Variants in DIP2A observed in about 807,000 individuals in gnomAD.
DIP2A encodes the protein disco-interacting protein 2 homolog A.
DIP2A carries 85 observed loss-of-function variants against 177.4 expected under a neutral mutation model. The observed-to-expected ratio is 0.48, with a 90% CI of 0.40 to 0.57. The LOEUF (loss-of-function observed/expected upper bound fraction) is 0.57, where lower values mean the gene tolerates loss of function less well. Among genes scored for constraint, DIP2A ranks in the 20% least tolerant of loss-of-function variants. The probability of loss-of-function intolerance (pLI) is 0.00; values close to 1 mark genes in which losing one functional copy is unlikely to be tolerated. For missense variants in DIP2A, 1,791 were observed against 2,100.2 expected (o/e 0.85, Z 2.88); for synonymous variants, 886 against 881.8 (o/e 1.00, Z -0.08).
At chr21:46,477,322 A>T (rs1003613120) in intron 1 of DIP2A, among the ~76,000 whole-genome samples, 5 of 151,830 alleles carry the variant, frequency 3.3e-5, no homozygotes, top group African/African-American at 1.2e-4. Flanking sequence ...AGGCAGGCAG[A>T]TCAAGACCAG....
chr21:46,578,866 T>A, the DIP2A span, among the ~76,000 whole-genome samples: 1 of 152,218 alleles, frequency 6.6e-6, no homozygotes, highest in Non-Finnish European at 1.5e-5. Context: ...TGCCAGTATT[T>A]TATTGAGAAT....
chr21:46,487,263 T>C (rs2056752574), intron 2 of DIP2A, among the ~76,000 whole-genome samples: 1 of 152,236 alleles, frequency 6.6e-6, no homozygotes, highest in South Asian at 2.1e-4. Flanking sequence ...AACAAGAAGA[T>C]TGACGAGGCT....
chr21:46,466,266 C>G (rs1393485127), intron 1 of DIP2A, among the ~76,000 whole-genome samples: 1 of 148,268 alleles, frequency 6.7e-6, no homozygotes, highest in Non-Finnish European at 1.5e-5. Context: ...AAGATTCATT[C>G]AAAAGATAGA....
At chr21:46,521,450 A>G (rs957612932) in intron 8 of DIP2A, among the ~76,000 whole-genome samples, 4 of 152,120 alleles carry the variant, frequency 2.6e-5, no homozygotes, top group African/African-American at 9.7e-5. Context: ...TGGCCTCCCA[A>G]ATTGCTGGGA....
chr21:46,560,700 T>A, intron 32 of DIP2A, 22 bp from the exon 33 acceptor site: 1 of 1,600,146 alleles, frequency 6.2e-7, no homozygotes, highest in Middle Eastern at 1.7e-4. Flanking sequence ...GAACAGAAGT[T>A]CCTCTGCTGC....
intron 18 of DIP2A, among the ~76,000 whole-genome samples, chr21:46,544,017 C>G (rs182584060): frequency 6.6e-6 from 1 of 152,264 alleles, no homozygotes; most frequent in East Asian, 1.9e-4. Flanking sequence ...AGGACAGTTC[C>G]TAGCTGACCC....
In DIP2A at chr21:46,496,981, T is replaced by G. The variant is rs749494495; in HGVS notation, c.284-7T>G. The G allele has an allele frequency of 6.8e-6, 11 of 1,606,860 alleles. No individual in the cohort carries two copies. The highest frequency in any genetic ancestry group is 1.7e-4 in the Middle Eastern group (1 of 6,040). ...AAAGTATTTTTACTGCTGTCCTTCC[T>G]GTGTAGATGTCCACACTGAAGCCGT... On this transcript the variant is annotated splice_region_variant and splice_polypyrimidine_tract_variant and intron_variant, in intron 3 of 37. Coordinates refer to ENST00000417564, the MANE Select transcript of DIP2A (RefSeq NM_015151.4).
intron 13 of DIP2A, among the ~76,000 whole-genome samples, chr21:46,535,112 T>C (rs2059509534): frequency 6.6e-6 from 1 of 152,232 alleles, no homozygotes; most frequent in South Asian, 2.1e-4. Flanking sequence ...AGTTTTCTAT[T>C]ACTTTATCTA....
chr21:46,465,572 C>CTGA (rs1169421247), intron 1 of DIP2A, among the ~76,000 whole-genome samples: 11 of 152,098 alleles, frequency 7.2e-5, no homozygotes, highest in Admixed American at 7.2e-4. Flanking sequence ...GACACTTGTA[C>CTGA]TGATGGTCCA....
rs1022522470 is a variant in DIP2A at position 46,563,499 on chromosome 21, G to A, written c.4090-359G>A. Among the ~76,000 whole-genome samples the A allele has an allele frequency of 2.0e-5, 3 of 152,186 alleles. No homozygotes were observed. Among genetic ancestry groups the A allele is most frequent in the Non-Finnish European group, 4.4e-5 (3 of 68,040 alleles). On this transcript the variant is annotated intron_variant, in intron 34 of 37. Coordinates refer to ENST00000417564, the MANE Select transcript of DIP2A (RefSeq NM_015151.4). The surrounding 1 kb of genome is among the most constrained non-coding windows in gnomAD (Gnocchi z 4.3). ...CCTGGCCAAGAACTAGGACAGACAT[G>A]TGCCTCCTGCAGGGCTGGGCACAGC...
chr21:46,538,463 G>GTCTC lies in DIP2A; in HGVS notation c.1802-19_1802-18insCTCT. The GTCTC allele has an allele frequency of 1.3e-6, 2 of 1,541,000 alleles. No individual in the cohort carries two copies. Among genetic ancestry groups the GTCTC allele is most frequent in the Non-Finnish European group, 1.7e-6 (2 of 1,146,480 alleles). ...CAGTCCTTGTGACGCAGGGATGTCT[G>GTCTC]TGCCATCCTCTCTCTGCAGCTCGGG... On this transcript the variant is annotated intron_variant, in intron 15 of 37. Transcript: ENST00000417564.
intron 22 of DIP2A, 37 bp from the exon 23 acceptor site, chr21:46,550,506 T>A (rs200723288): frequency 1.3e-6 from 2 of 1,586,132 alleles, no homozygotes; most frequent in Admixed American, 3.6e-5. Flanking sequence ...CAGCCTCAAG[T>A]TGGGGGCCTG....
chr21:46,524,792 G>T (rs4267585), intron 8 of DIP2A, among the ~76,000 whole-genome samples: 46,493 of 151,028 alleles, frequency 0.31, 7,554 homozygotes, highest in Admixed American at 0.36. Context: ...CCTCTTTGTG[G>T]CTGGCTTTCC....
chr21:46,579,773 T>C, the DIP2A span, among the ~76,000 whole-genome samples: 1 of 152,222 alleles, frequency 6.6e-6, no homozygotes, highest in Non-Finnish European at 1.5e-5. Context: ...TTGAGTGAGC[T>C]TCTTAATCTT....
intron 8 of DIP2A, among the ~76,000 whole-genome samples, chr21:46,515,623 A>C (rs988877105): frequency 1.3e-5 from 2 of 151,176 alleles, no homozygotes; most frequent in African/African-American, 4.9e-5. Flanking sequence ...TGCAAGCTCC[A>C]CCCCCCAGGC....
rs576030267 is a variant in DIP2A, at chr21:46,551,013, G to A, written c.2839+269G>A. 2.0e-5 allele frequency among the ~76,000 whole-genome samples: 3 copies of A among 152,316 alleles called. No individual in the cohort carries two copies. In the East Asian group the frequency reaches 5.8e-4, roughly 29 times the overall value. On this transcript the variant is annotated intron_variant, in intron 23 of 37. Coordinates refer to ENST00000417564, the MANE Select transcript of DIP2A (RefSeq NM_015151.4). Reference sequence around the variant, plus strand: ...CAATTTTAATGATAAACTCAAGGATGGCATCTTAGCTTTGCATGGCTAGGA... The same window carrying A: ...CAATTTTAATGATAAACTCAAGGATAGCATCTTAGCTTTGCATGGCTAGGA...
rs753807647 is a variant in DIP2A at position 46,554,715 on chromosome 21, CG to C, written c.3276+22del. On this transcript the variant is annotated intron_variant, in intron 27 of 37. Coordinates refer to ENST00000417564, the MANE Select transcript of DIP2A (RefSeq NM_015151.4). ...CGTGGAGGTGCGCCTACCTGGCCCG[CG>C]GGTCAGAGTCTGTGAGTGGGAGGCT... 1.3e-5 allele frequency: 20 copies of C among 1,556,244 alleles called. No individual in the cohort carries two copies. The highest frequency in any genetic ancestry group is 5.5e-5 in the African/African-American group (4 of 73,376).
rs145650379 is a variant in DIP2A at position 46,513,477 on chromosome 21, G to A, written c.1102+1863G>A. 7.1e-3 allele frequency among the ~76,000 whole-genome samples: 1,080 copies of A among 152,226 alleles called. 4 individuals carry two copies. Among genetic ancestry groups the A allele is most frequent in the Middle Eastern group, 0.02 (6 of 294 alleles). ...TGTTGTCAGTCTGTTGTCTCTCCAT[G>A]CTCTGAATCACTGTAGCATTAGGAG... On this transcript the variant is annotated intron_variant, in intron 8 of 37. Coordinates refer to ENST00000417564, the MANE Select transcript of DIP2A (RefSeq NM_015151.4).
At chr21:46,536,433 T>C (rs928761125) in intron 13 of DIP2A, among the ~76,000 whole-genome samples, 1 of 152,138 alleles carries the variant, frequency 6.6e-6, no homozygotes, top group Non-Finnish European at 1.5e-5. Context: ...AAGAGTGACT[T>C]TCCGAAGGGT....
Sources: allele counts gnomAD v4.1 joint callset (sites outside exome capture counted in the v4.1 genomes callset), GRCh38; gene constraint gnomAD v4.1.1; non-coding constraint Gnocchi (gnomAD v3.1); transcripts MANE v1.5; gene names NCBI Gene and HGNC (gene_info 2026-07-23, HGNC 2026-07-21).